Variants in EYS observed in about 807,000 individuals in gnomAD.
EYS encodes protein eyes shut homolog.
In EYS, 250 loss-of-function variants were observed where a neutral mutation model predicts 282.1. That is an observed-to-expected ratio of 0.89 (90% CI 0.80 to 0.98). EYS has a LOEUF of 0.98. EYS is among the 50% of genes least tolerant of loss of function. The pLI, the probability that EYS is intolerant of heterozygous loss-of-function variation, is 0.00. For synonymous variants in EYS, 1,355 were observed against 1,282.9 expected (o/e 1.06, Z -1.20); for missense variants, 4,016 against 3,709.0 (o/e 1.08, Z -2.15).
chr6:64,472,288 G>A (rs185938395), intron 26 of EYS, among the ~76,000 whole-genome samples: 1 of 152,270 alleles, frequency 6.6e-6, no homozygotes, highest in East Asian at 1.9e-4. Context: ...ATAGAGGTGA[G>A]AAGGAGCCTC....
At chr6:64,844,351 C>T (rs1583215942) in intron 19 of EYS, among the ~76,000 whole-genome samples, 1 of 146,666 alleles carries the variant, frequency 6.8e-6, no homozygotes. Context: ...AGTTTTTATG[C>T]TGTTGGGTTT....
intron 33 of EYS, among the ~76,000 whole-genome samples, chr6:64,063,672 G>A (rs886467866): frequency 2.0e-5 from 3 of 152,052 alleles, no homozygotes; most frequent in Non-Finnish European, 4.4e-5. Context: ...AAAACACGCT[G>A]TTCTTTGCGG....
At chr6:64,921,550 G>C (rs1216046947) in intron 15 of EYS, among the ~76,000 whole-genome samples, 1 of 152,152 alleles carries the variant, frequency 6.6e-6, no homozygotes, top group African/African-American at 2.4e-5. Context: ...CCTGCTTCTT[G>C]ATGAGACTCT....
intron 31 of EYS, among the ~76,000 whole-genome samples, chr6:64,108,786 A>G (rs1289574973): frequency 2.0e-5 from 3 of 151,970 alleles, no homozygotes; most frequent in East Asian, 1.9e-4. Flanking sequence ...TTTGTCTGTT[A>G]TTGGACCCCA....
intron 16 of EYS, 70 bp downstream of exon 16, chr6:64,912,414 A>C: frequency 7.0e-7 from 1 of 1,422,630 alleles, no homozygotes; most frequent in Non-Finnish European, 9.7e-7. Flanking sequence ...CCATCATCCC[A>C]TAGGCACAAT....
intron 29 of EYS, among the ~76,000 whole-genome samples, chr6:64,317,364 G>A (rs998889442): frequency 5.3e-5 from 8 of 150,822 alleles, no homozygotes; most frequent in African/African-American, 1.2e-4. Flanking sequence ...CAAAAAGTAG[G>A]CACAGGATAT....
chr6:65,549,220 C>T (rs887384325), intron 2 of EYS, among the ~76,000 whole-genome samples: 4 of 152,178 alleles, frequency 2.6e-5, no homozygotes, highest in African/African-American at 9.7e-5. Flanking sequence ...ACTAATAGAT[C>T]TTACTACAAT....
intron 1 of EYS, among the ~76,000 whole-genome samples, chr6:65,700,129 A>AAAAAAAAAAAG (rs1769617477): frequency 6.7e-6 from 1 of 150,310 alleles, no homozygotes. Context: ...AAAAAAAAAA[A>AAAAAAAAAAAG]AAAAAAAAAA....
At chr6:65,178,428 A>G (rs1031836555) in intron 12 of EYS, among the ~76,000 whole-genome samples, 1 of 151,944 alleles carries the variant, frequency 6.6e-6, no homozygotes, top group Admixed American at 6.6e-5. Context: ...GGGGGTGGAG[A>G]CAAGATGGAC....
intron 41 of EYS, among the ~76,000 whole-genome samples, chr6:63,731,971 G>T (rs556710192): frequency 2.0e-5 from 3 of 152,176 alleles, no homozygotes; most frequent in African/African-American, 7.2e-5. Context: ...ATCTGGGAGG[G>T]GGGGTCTCAA....
chr6:64,115,071 C>T (rs947563350), intron 31 of EYS, among the ~76,000 whole-genome samples: 1 of 152,172 alleles, frequency 6.6e-6, no homozygotes, highest in South Asian at 2.1e-4. Flanking sequence ...AGCTCTAGAC[C>T]TTGGCGCTAT....
At chr6:64,145,806 C>A (rs77067857) in intron 31 of EYS, among the ~76,000 whole-genome samples, 4,597 of 152,206 alleles carry the variant, frequency 0.03, 225 homozygotes, top group African/African-American at 0.1. Flanking sequence ...ATTCCTCTTT[C>A]TCTTCCAGTC....
chr6:64,434,047 G>T (rs1041740397), intron 28 of EYS, among the ~76,000 whole-genome samples: 1 of 151,998 alleles, frequency 6.6e-6, no homozygotes, highest in Non-Finnish European at 1.5e-5. Flanking sequence ...TGGAAATAGG[G>T]TCTTCAGAGA....
intron 30 of EYS, among the ~76,000 whole-genome samples, chr6:64,257,834 A>T (rs1314007460): frequency 6.6e-6 from 1 of 151,992 alleles, no homozygotes; most frequent in Non-Finnish European, 1.5e-5. Context: ...CGTGATCATT[A>T]TTCCAATTTT....
At chr6:64,127,833 G>A (rs533989308) in intron 31 of EYS, among the ~76,000 whole-genome samples, 4 of 152,192 alleles carry the variant, frequency 2.6e-5, no homozygotes, top group Admixed American at 1.3e-4. Flanking sequence ...GAGCATGGAG[G>A]TGCTTATTTT....
At chr6:64,862,851 T>G (rs115504341) in intron 19 of EYS, among the ~76,000 whole-genome samples, 5 of 152,170 alleles carry the variant, frequency 3.3e-5, no homozygotes. Context: ...TGTTTATATG[T>G]ATATATTCAA....
chr6:64,092,768 T>A (rs1440998111), intron 31 of EYS, among the ~76,000 whole-genome samples: 2 of 151,376 alleles, frequency 1.3e-5, no homozygotes, highest in African/African-American at 4.9e-5. Flanking sequence ...TTAGATCCCA[T>A]TTGTCAATTT....
intron 12 of EYS, among the ~76,000 whole-genome samples, chr6:65,200,946 T>C (rs1765885134): frequency 6.6e-6 from 1 of 152,168 alleles, no homozygotes; most frequent in African/African-American, 2.4e-5. Context: ...AAGACTGTTT[T>C]TCATGTTTTA....
intron 2 of EYS, among the ~76,000 whole-genome samples, chr6:65,500,279 TA>T (rs1342164781): frequency 1.3e-5 from 2 of 151,998 alleles, no homozygotes; most frequent in East Asian, 3.9e-4. Context: ...CAAAAGATGA[TA>T]AACAATCCTG....
Sources: gnomAD v4.1 joint callset for allele counts (sites outside exome capture counted in the v4.1 genomes callset) on GRCh38, gnomAD v4.1.1 for gene constraint, MANE v1.5 for transcripts, NCBI Gene and HGNC (gene_info 2026-07-23, HGNC 2026-07-21) for gene names.